Variants in ARHGEF28 observed in about 807,000 individuals in gnomAD.
The protein encoded by ARHGEF28 is Rho guanine nucleotide exchange factor 28, also known as 190 kDa guanine nucleotide exchange factor.
A neutral mutation model predicts 206.6 loss-of-function variants in ARHGEF28; 152 were observed. The ratio of observed to expected loss-of-function variants is 0.74; its 90% CI spans 0.64 to 0.84. The LOEUF (loss-of-function observed/expected upper bound fraction) is 0.84. Among genes scored for constraint, ARHGEF28 ranks in the 40% least tolerant of loss-of-function variants. The pLI, the probability that ARHGEF28 is intolerant of heterozygous loss-of-function variation, is 0.00. For missense variants in ARHGEF28, 2,028 were observed against 2,073.2 expected, an observed-to-expected ratio of 0.98 and a Z score of 0.42; for synonymous variants, 763 against 776.4, an observed-to-expected ratio of 0.98 and a Z score of 0.29.
At chr5:73,711,570 T>A (rs1291542606) in intron 2 of ARHGEF28, among the ~76,000 whole-genome samples, 1 of 152,304 alleles carries the variant, frequency 6.6e-6, no homozygotes, top group East Asian at 1.9e-4. Context: ...ATAAACATTT[T>A]AATTTTTGGT....
chr5:73,716,444 C>T (rs1749586162), intron 2 of ARHGEF28, among the ~76,000 whole-genome samples: 1 of 152,150 alleles, frequency 6.6e-6, no homozygotes, highest in African/African-American at 2.4e-5. Flanking sequence ...TGAGTCAATT[C>T]AGAGGAAGAT....
chr5:73,636,300 A>G (rs1027600587), intron 1 of ARHGEF28, among the ~76,000 whole-genome samples: 3 of 152,230 alleles, frequency 2.0e-5, no homozygotes, highest in African/African-American at 4.8e-5. Flanking sequence ...TTGTCTCACA[A>G]TGGTAGGGCT....
intron 35 of ARHGEF28, among the ~76,000 whole-genome samples, chr5:73,918,811 A>G (rs1272521987): frequency 2.0e-5 from 3 of 152,310 alleles, no homozygotes; most frequent in South Asian, 4.1e-4. Context: ...TTAGCTGGCT[A>G]TGCATCAGAG....
chr5:73,915,224 C>T (rs191987390), intron 35 of ARHGEF28, among the ~76,000 whole-genome samples: 56 of 152,002 alleles, frequency 3.7e-4, no homozygotes, highest in African/African-American at 1.3e-3. Flanking sequence ...ATTACTGTGG[C>T]CAACTCTTGC....
intron 5 of ARHGEF28, 74 bp from the exon 6 acceptor site, chr5:73,776,442 G>A (rs1026840374): frequency 6.4e-5 from 87 of 1,362,188 alleles, no homozygotes; most frequent in Non-Finnish European, 8.3e-5. Flanking sequence ...ATCAGGGGCA[G>A]TGATCCTAAG....
chr5:73,933,003 G>T (rs1764218665), intron 35 of ARHGEF28, among the ~76,000 whole-genome samples: 1 of 151,320 alleles, frequency 6.6e-6, no homozygotes, highest in African/African-American at 2.4e-5. Flanking sequence ...GTAGAGACGG[G>T]GTTTCACCGT....
intron 5 of ARHGEF28, among the ~76,000 whole-genome samples, chr5:73,774,672 C>T (rs1753446446): frequency 1.3e-5 from 2 of 152,172 alleles, no homozygotes; most frequent in African/African-American, 4.8e-5. Context: ...GGTATCAACA[C>T]TTCCAGTGAA....
chr5:73,802,367 A>G (rs543224739), intron 9 of ARHGEF28, among the ~76,000 whole-genome samples: 1 of 152,292 alleles, frequency 6.6e-6, no homozygotes, highest in East Asian at 1.9e-4. Context: ...CATTATGAGG[A>G]TGCCTGATGC....
chr5:73,789,956 A>G lies in ARHGEF28; in HGVS notation c.911-4446A>G, dbSNP rs566932311. ...ACAAATCTGCCTTCATCCCCAGGGGAAACACTATTTCTCGGTTTCAAGACT... is the reference window on the plus strand; with the variant it reads ...ACAAATCTGCCTTCATCCCCAGGGGGAACACTATTTCTCGGTTTCAAGACT... On this transcript the variant is annotated intron_variant, in intron 7 of 35. Transcript: ENST00000513042. 2.6e-5 allele frequency among the ~76,000 whole-genome samples: 4 copies of G among 152,258 alleles called. No homozygotes were observed. In the South Asian group the frequency reaches 6.2e-4, roughly 24 times the overall value.
chr5:73,644,980 T>G (rs960926963), intron 1 of ARHGEF28, among the ~76,000 whole-genome samples: 2 of 147,916 alleles, frequency 1.4e-5, no homozygotes, highest in Non-Finnish European at 2.9e-5. Flanking sequence ...GAGTTTCTTC[T>G]GTGTAAGAAA....
chr5:73,742,858 T>C lies in ARHGEF28; in HGVS notation c.34-6979T>C, dbSNP rs575546446. ...AAAAAAAAAAAAAAAAAAAGTACTT[T>C]CAGCAATTTCCTAATATTGCTAGGT... On this transcript the variant is annotated intron_variant, in intron 2 of 35. Coordinates refer to ENST00000513042, the MANE Select transcript of ARHGEF28 (RefSeq NM_001177693.2). 2.5e-3 allele frequency among the ~76,000 whole-genome samples: 385 copies of C among 151,778 alleles called. 2 individuals are homozygous for C. Among genetic ancestry groups the C allele is most frequent in the African/African-American group, 8.9e-3 (368 of 41,500 alleles).
chr5:73,737,293 A>G (rs1751003628), intron 2 of ARHGEF28, among the ~76,000 whole-genome samples: 1 of 149,938 alleles, frequency 6.7e-6, no homozygotes, highest in Non-Finnish European at 1.5e-5. Context: ...TTATTTATCT[A>G]TTTATTTTCC....
intron 2 of ARHGEF28, among the ~76,000 whole-genome samples, chr5:73,686,709 A>G (rs1747500005): frequency 6.6e-6 from 1 of 151,830 alleles, no homozygotes; most frequent in South Asian, 2.1e-4. Context: ...TTTTTAGTAC[A>G]GACAGGGTTT....
chr5:73,709,988 G>T (rs377618528), intron 2 of ARHGEF28, among the ~76,000 whole-genome samples: 1 of 152,142 alleles, frequency 6.6e-6, no homozygotes, highest in African/African-American at 2.4e-5. Flanking sequence ...TCGAAGGCCT[G>T]GTTTTTCATG....
chr5:73,691,121 G>A (rs1469562744), intron 2 of ARHGEF28, among the ~76,000 whole-genome samples: 1 of 151,912 alleles, frequency 6.6e-6, no homozygotes, highest in Non-Finnish European at 1.5e-5. Context: ...GTAGAGATGG[G>A]GTCTTGCCAT....
intron 13 of ARHGEF28, 106 bp downstream of exon 13, chr5:73,849,193 C>T (rs1465940080): frequency 9.5e-6 from 8 of 844,714 alleles, no homozygotes; most frequent in African/African-American, 7.1e-5. Context: ...AAGAATTTTC[C>T]ATTCTGTTTT....
At chr5:73,658,987 A>ACACATG (rs1554051352) in intron 1 of ARHGEF28, among the ~76,000 whole-genome samples, 7 of 150,244 alleles carry the variant, frequency 4.7e-5, no homozygotes, top group Admixed American at 3.3e-4. Context: ...ACACACACAC[A>ACACATG]CACACACACA....
At chr5:73,769,292 C>T (rs76462282) in intron 4 of ARHGEF28, among the ~76,000 whole-genome samples, 2 of 152,068 alleles carry the variant, frequency 1.3e-5, no homozygotes, top group African/African-American at 2.4e-5. Context: ...AGTGCAAATA[C>T]CCCTCCTCCT....
At chr5:73,895,639 T>C (rs2112694066) in intron 29 of ARHGEF28, among the ~76,000 whole-genome samples, 1 of 152,124 alleles carries the variant, frequency 6.6e-6, no homozygotes, top group Non-Finnish European at 1.5e-5. Flanking sequence ...GGCTGGTAAA[T>C]TACAGACCAC....
Sources: gnomAD v4.1 joint callset for allele counts (sites outside exome capture counted in the v4.1 genomes callset) on GRCh38, gnomAD v4.1.1 for gene constraint, MANE v1.5 for transcripts, NCBI Gene and HGNC (gene_info 2026-07-23, HGNC 2026-07-21) for gene names.